Variants in AKT3 observed in about 807,000 individuals in gnomAD.
AKT3 encodes the protein RAC-gamma serine/threonine-protein kinase.
In AKT3, 15 loss-of-function variants were observed where a neutral mutation model predicts 65.3. The ratio of observed to expected loss-of-function variants is 0.23; its 90% CI spans 0.15 to 0.35. AKT3 has a LOEUF of 0.35. AKT3 is among the 10% of genes least tolerant of loss of function. AKT3 has a pLI of 1.00. For synonymous variants in AKT3, 206 were observed against 183.8 expected, an observed-to-expected ratio of 1.12 and a Z score of -0.98; for missense variants, 243 against 576.5, an observed-to-expected ratio of 0.42 and a Z score of 5.92.
intron 12 of AKT3, among the ~76,000 whole-genome samples, chr1:243,541,728 A>G (rs969301520): frequency 8.5e-5 from 13 of 152,226 alleles, no homozygotes; most frequent in African/African-American, 2.7e-4. Flanking sequence ...AAAAGAAGAA[A>G]GGAAATGCAT....
At chr1:243,765,834 AG>A (rs1375603714) in intron 2 of AKT3, among the ~76,000 whole-genome samples, 2 of 152,202 alleles carry the variant, frequency 1.3e-5, no homozygotes, top group Admixed American at 6.5e-5. Flanking sequence ...GGGCAGCCTC[AG>A]GAACAGCCAA....
At chr1:243,558,797 C>A (rs1673581359) in intron 10 of AKT3, among the ~76,000 whole-genome samples, 1 of 152,050 alleles carries the variant, frequency 6.6e-6, no homozygotes, top group Non-Finnish European at 1.5e-5. Context: ...ATCACATAAG[C>A]ATGTGAAAAA....
intron 12 of AKT3, among the ~76,000 whole-genome samples, chr1:243,530,193 TG>T (rs1671432529): frequency 6.6e-6 from 1 of 152,188 alleles, no homozygotes; most frequent in African/African-American, 2.4e-5. Context: ...TTTGTTAGGT[TG>T]TTTATTGGAT....
chr1:243,572,703 G>A (rs779140434), intron 9 of AKT3, among the ~76,000 whole-genome samples: 5 of 151,850 alleles, frequency 3.3e-5, no homozygotes, highest in African/African-American at 7.3e-5. Flanking sequence ...CCAAGCAGTC[G>A]GGCAGAAATT....
chr1:243,613,866 GTTTA>G (rs1414866794), intron 7 of AKT3, 127 bp from the exon 8 acceptor site: 6 of 538,244 alleles, frequency 1.1e-5, no homozygotes, highest in African/African-American at 5.9e-5. Flanking sequence ...TTGTTTAAGA[GTTTA>G]TTTACTACTT....
At chr1:243,680,850 T>C (rs1683857157) in intron 3 of AKT3, among the ~76,000 whole-genome samples, 1 of 152,184 alleles carries the variant, frequency 6.6e-6, no homozygotes, top group South Asian at 2.1e-4. Flanking sequence ...AGCTGCTGTT[T>C]CCCTAAATGG....
chr1:243,516,970 T>C (rs1475237275), intron 12 of AKT3, among the ~76,000 whole-genome samples: 2 of 152,240 alleles, frequency 1.3e-5, no homozygotes, highest in African/African-American at 2.4e-5. Flanking sequence ...TTTAGTACTA[T>C]AAATTGTATT....
intron 8 of AKT3, among the ~76,000 whole-genome samples, chr1:243,611,969 C>G (rs1677904051): frequency 6.6e-6 from 1 of 152,150 alleles, no homozygotes; most frequent in Non-Finnish European, 1.5e-5. Flanking sequence ...TTTCACTATG[C>G]ATTCTAATTT....
At chr1:243,824,335 A>G (rs1339351384) in intron 2 of AKT3, among the ~76,000 whole-genome samples, 1 of 152,208 alleles carries the variant, frequency 6.6e-6, no homozygotes, top group African/African-American at 2.4e-5. Context: ...AATTCCATTC[A>G]GGACACAGGC....
At chr1:243,518,103 C>A (rs193195079) in intron 12 of AKT3, among the ~76,000 whole-genome samples, 23 of 152,304 alleles carry the variant, frequency 1.5e-4, no homozygotes, top group African/African-American at 5.5e-4. Flanking sequence ...GTTTCTTGAT[C>A]TCAAGGTCTT....
In AKT3 at chr1:243,850,052, CGGCGGCGGT is replaced by C. The variant is rs1235200702; in HGVS notation, c.-134_-126del. ...CGGTGGCTGTTACCTGCAACGGCGG[CGGCGGCGGT>C]GGCGGCCCCGCAGCTGCTCGGGCGG... On this transcript the variant is annotated 5_prime_UTR_variant, in exon 1 of 14. Coordinates refer to ENST00000673466, the MANE Select transcript of AKT3 (RefSeq NM_005465.7). 2.5e-5 allele frequency: 24 copies of C among 964,246 alleles called. No individual in the cohort carries two copies. Among genetic ancestry groups the C allele is most frequent in the Non-Finnish European group, 2.9e-5 (24 of 828,052 alleles). 59.7% of individuals were successfully genotyped at this position (964,246 alleles called of 1,614,324 possible).
intron 8 of AKT3, among the ~76,000 whole-genome samples, chr1:243,592,014 T>C (rs1676262535): frequency 6.6e-6 from 1 of 152,092 alleles, no homozygotes; most frequent in East Asian, 1.9e-4. Context: ...ATGAAAACTA[T>C]ATGCTTATAG....
chr1:243,516,837 C>G (rs1670390476), intron 12 of AKT3, among the ~76,000 whole-genome samples: 1 of 152,200 alleles, frequency 6.6e-6, no homozygotes, highest in African/African-American at 2.4e-5. Flanking sequence ...ACTCCTCTAC[C>G]TTGGCCTTCA....
intron 2 of AKT3, among the ~76,000 whole-genome samples, chr1:243,709,760 T>C (rs908826275): frequency 2.0e-5 from 3 of 152,004 alleles, no homozygotes; most frequent in African/African-American, 7.2e-5. Context: ...CGTTTAAATA[T>C]CTCTTCAAAA....
intron 6 of AKT3, among the ~76,000 whole-genome samples, chr1:243,617,294 A>G (rs1211289349): frequency 1.3e-5 from 2 of 152,146 alleles, no homozygotes; most frequent in African/African-American, 4.8e-5. Flanking sequence ...ATCAGTGTTA[A>G]TGGGAAAAAC....
At chr1:243,570,926 A>G (rs1428737014) in intron 9 of AKT3, among the ~76,000 whole-genome samples, 5 of 152,242 alleles carry the variant, frequency 3.3e-5, no homozygotes, top group African/African-American at 9.6e-5. Context: ...ACTGATATTC[A>G]TATATAAAGT....
At chr1:243,778,337 T>C (rs1292405739) in intron 2 of AKT3, among the ~76,000 whole-genome samples, 2 of 152,192 alleles carry the variant, frequency 1.3e-5, no homozygotes, top group African/African-American at 4.8e-5. Context: ...CAGAGTATTA[T>C]GACTGAATCA....
intron 5 of AKT3, among the ~76,000 whole-genome samples, chr1:243,642,303 T>C (rs1000034343): frequency 2.6e-5 from 4 of 152,056 alleles, no homozygotes; most frequent in Non-Finnish European, 5.9e-5. Context: ...CAGTAAGTCC[T>C]TTTTTTTGTT....
chr1:243,580,467 ACT>A (rs538255751), intron 8 of AKT3, among the ~76,000 whole-genome samples: 1 of 152,012 alleles, frequency 6.6e-6, no homozygotes, highest in South Asian at 2.1e-4. Context: ...GCACATAAAA[ACT>A]CAGCCATTCC....
Sources: gnomAD v4.1 joint callset for allele counts (sites outside exome capture counted in the v4.1 genomes callset) on GRCh38, gnomAD v4.1.1 for gene constraint, MANE v1.5 for transcripts, NCBI Gene and HGNC (gene_info 2026-07-23, HGNC 2026-07-21) for gene names.